CGNL1: variants seen among roughly 807,000 people sequenced by gnomAD.
CGNL1 encodes cingulin-like protein 1.
Under a neutral mutation model 141.2 loss-of-function variants are expected in CGNL1, and 132 were observed. The ratio of observed to expected loss-of-function variants is 0.93; its 90% CI spans 0.81 to 1.08. CGNL1 has a LOEUF of 1.08. Ranked by LOEUF, CGNL1 falls within the 50% of genes least tolerant of loss-of-function variation. The pLI, the probability that CGNL1 is intolerant of heterozygous loss-of-function variation, is 0.00. For missense variants in CGNL1, 1,870 were observed against 1,588.6 expected (o/e 1.18, Z -3.01); for synonymous variants, 690 against 622.1 (o/e 1.11, Z -1.63).
chr15:57,438,790 C>T lies in CGNL1; in HGVS notation c.791C>T (p.Ala264Val), dbSNP rs2063142659. The part of the protein sequence containing the change: ...GRPLTAHSPH[A>V]HPETKKTRPD... Reference sequence around the variant, plus strand: ...CCCCTGACTGCCCACAGCCCACATGCCCACCCTGAAACCAAGAAAACCAGG... The same window carrying T: ...CCCCTGACTGCCCACAGCCCACATGTCCACCCTGAAACCAAGAAAACCAGG... The change falls in exon 2 of 19, where the codon GCC (alanine) becomes GTC (valine). Residue 264 changes from alanine (A) to valine (V), a missense_variant. Transcript: ENST00000281282. The T allele has an allele frequency of 1.2e-6, 2 of 1,614,154 alleles. No individual in the cohort carries two copies. The highest frequency in any genetic ancestry group is 2.2e-5 in the South Asian group (2 of 91,078).
chr15:57,545,452 G>T, intron 16 of CGNL1, 140 bp from the exon 17 acceptor site: 1 of 648,394 alleles, frequency 1.5e-6, no homozygotes, highest in South Asian at 2.0e-5. Flanking sequence ...TTTTTCTGCT[G>T]TGAAGTTGTG....
chr15:57,512,648 A>G (rs1299332501), intron 8 of CGNL1, among the ~76,000 whole-genome samples: 3 of 152,234 alleles, frequency 2.0e-5, no homozygotes, highest in Non-Finnish European at 4.4e-5. Flanking sequence ...AGTTCTAAAC[A>G]TCACAATTCA....
intron 8 of CGNL1, among the ~76,000 whole-genome samples, chr15:57,496,984 C>T (rs1264969661): frequency 6.6e-6 from 1 of 152,178 alleles, no homozygotes; most frequent in Non-Finnish European, 1.5e-5. Context: ...AGAAGGATGG[C>T]AGTTGCATCC....
At chr15:57,440,578 A>C in intron 3 of CGNL1, 107 bp downstream of exon 3, 1 of 839,456 alleles carries the variant, frequency 1.2e-6, no homozygotes, top group Non-Finnish European at 1.9e-6. Flanking sequence ...GCCCTGTGCC[A>C]GCCGTTGGAG....
intron 10 of CGNL1, among the ~76,000 whole-genome samples, chr15:57,521,922 TG>T (rs1316971369): frequency 1.3e-5 from 2 of 152,162 alleles, no homozygotes; most frequent in Non-Finnish European, 2.9e-5. Context: ...CTGTATTTGT[TG>T]TTTTCACAGA....
intron 1 of CGNL1, among the ~76,000 whole-genome samples, chr15:57,386,339 T>C (rs2062482916): frequency 6.6e-6 from 1 of 152,196 alleles, no homozygotes; most frequent in Admixed American, 6.5e-5. Flanking sequence ...GTCATGTTGC[T>C]CTGACTCTGC....
Position 57,549,784 on chromosome 15 carries a change from C to T in CGNL1, c.*2294C>T, listed in dbSNP as rs1325973082. ...AGCACCTCTGTACTCAGCCCTCTGT[C>T]TGTCCTTCTGAGGACGCAACAAGCC... On this transcript the variant is annotated 3_prime_UTR_variant, in exon 19 of 19. Coordinates refer to ENST00000281282, the MANE Select transcript of CGNL1 (RefSeq NM_032866.5). The T allele has an allele frequency of 2.0e-5, 3 of 152,222 alleles. No individual in the cohort carries two copies. The highest frequency in any genetic ancestry group is 1.3e-4 in the Admixed American group (2 of 15,292). 9.4% of individuals were successfully genotyped at this position (152,222 alleles called of 1,614,324 possible).
Position 57,453,764 on chromosome 15 carries a change from T to C in CGNL1, c.2136T>C (p.Asp712=), listed in dbSNP as rs1274081594. 6.8e-6 allele frequency: 11 copies of C among 1,613,920 alleles called. No homozygotes were observed. The highest frequency in any genetic ancestry group is 7.6e-6 in the Non-Finnish European group (9 of 1,179,950). The stretch of plus-strand genomic sequence containing the variant: ...AGGACCAGCTCTCAGAAATGCACGA[T>C]GAACTGGACAGTGCAAAGCGATCGG... The part of the protein sequence containing the change: ...DLQDQLSEMH[D]ELDSAKRSED... The change falls in exon 7 of 19, where the codon GAT becomes GAC. Residue 712 remains aspartate (D), a synonymous_variant. Transcript: ENST00000281282.
chr15:57,460,760 G>GTGGGAATTA (rs1419720977), intron 7 of CGNL1, among the ~76,000 whole-genome samples: 1 of 152,176 alleles, frequency 6.6e-6, no homozygotes, highest in Non-Finnish European at 1.5e-5. Context: ...CCCTTGACAA[G>GTGGGAATTA]TGGGAATTAT....
intron 5 of CGNL1, 57 bp from the exon 6 acceptor site, chr15:57,452,084 G>T: frequency 1.3e-6 from 2 of 1,488,060 alleles, no homozygotes; most frequent in South Asian, 1.3e-5. Flanking sequence ...GTAGGCTTCT[G>T]TGGGGTTACG....
At chr15:57,533,019 G>A (rs1261252165) in intron 14 of CGNL1, among the ~76,000 whole-genome samples, 2 of 152,218 alleles carry the variant, frequency 1.3e-5, no homozygotes, top group African/African-American at 2.4e-5. Context: ...AGAGCTTGGG[G>A]ATAGCACCTT....
intron 4 of CGNL1, among the ~76,000 whole-genome samples, chr15:57,445,189 GT>G (rs1237088074): frequency 1.3e-5 from 2 of 152,192 alleles, no homozygotes; most frequent in African/African-American, 4.8e-5. Flanking sequence ...AGACCAGGAG[GT>G]GGAGGCTGCA....
intron 1 of CGNL1, among the ~76,000 whole-genome samples, chr15:57,411,505 G>T (rs578015323): frequency 4.9e-4 from 74 of 150,022 alleles, no homozygotes; most frequent in African/African-American, 1.8e-3. Flanking sequence ...GTGCAATGGC[G>T]CAATCTCAGC....
chr15:57,506,245 C>G (rs1387873976), intron 8 of CGNL1, among the ~76,000 whole-genome samples: 1 of 152,230 alleles, frequency 6.6e-6, no homozygotes, highest in South Asian at 2.1e-4. Context: ...AGGGCATTGT[C>G]TGGGTGGAGT....
At chr15:57,520,580 G>T (rs1464647687) in intron 10 of CGNL1, among the ~76,000 whole-genome samples, 1 of 152,174 alleles carries the variant, frequency 6.6e-6, no homozygotes, top group Admixed American at 6.5e-5. Context: ...GCTGTCTAGG[G>T]CTACTGGAAC....
chr15:57,464,907 G>A (rs908492426), intron 8 of CGNL1, among the ~76,000 whole-genome samples: 7 of 151,746 alleles, frequency 4.6e-5, no homozygotes, highest in African/African-American at 1.5e-4. Flanking sequence ...GTGCCACCAC[G>A]CCTGGCTAGT....
intron 8 of CGNL1, among the ~76,000 whole-genome samples, chr15:57,493,257 A>G (rs2063891321): frequency 6.6e-6 from 1 of 152,334 alleles, no homozygotes; most frequent in South Asian, 2.1e-4. Flanking sequence ...TGATCCTTAC[A>G]AGTCTGCAGT....
chr15:57,518,139 C>T (rs921578108), intron 9 of CGNL1, among the ~76,000 whole-genome samples: 1 of 147,532 alleles, frequency 6.8e-6, no homozygotes, highest in Non-Finnish European at 1.5e-5. Context: ...GACCCTGTCT[C>T]TAAAAAAATA....
At chr15:57,516,052 G>A (rs912891984) in intron 8 of CGNL1, among the ~76,000 whole-genome samples, 2 of 151,636 alleles carry the variant, frequency 1.3e-5, no homozygotes, top group African/African-American at 2.4e-5. Context: ...CCAGCTACTC[G>A]GGAGGCTGAA....
Sources: gnomAD v4.1 joint callset for allele counts (sites outside exome capture counted in the v4.1 genomes callset) on GRCh38, gnomAD v4.1.1 for gene constraint, MANE v1.5 for transcripts, NCBI Gene and HGNC (gene_info 2026-07-23, HGNC 2026-07-21) for gene names.